Variants in PCDH15 observed in about 807,000 individuals in gnomAD.
The protein encoded by PCDH15 is protocadherin related 15.
Under a neutral mutation model 178.5 loss-of-function variants are expected in PCDH15, and 129 were observed. The observed-to-expected ratio is 0.72, with a 90% CI of 0.63 to 0.84. The LOEUF (loss-of-function observed/expected upper bound fraction) is 0.84, where lower values mean the gene tolerates loss of function less well. Among genes scored for constraint, PCDH15 ranks in the 40% least tolerant of loss-of-function variants. The probability of loss-of-function intolerance (pLI) is 0.00; values close to 1 mark genes in which losing one functional copy is unlikely to be tolerated. For missense variants in PCDH15, 2,230 were observed against 2,099.9 expected (o/e 1.06, Z -1.21); for synonymous variants, 800 against 732.0 (o/e 1.09, Z -1.50).
chr10:55,529,733 G>T (rs1841400500), intron 2 of PCDH15, among the ~76,000 whole-genome samples: 1 of 76,334 alleles, frequency 1.3e-5, no homozygotes, highest in Non-Finnish European at 2.5e-5. Flanking sequence ...ATATGTGTTT[G>T]TCTGTGAGTA....
intron 3 of PCDH15, among the ~76,000 whole-genome samples, chr10:54,840,693 C>T (rs773245440): frequency 1.2e-4 from 18 of 151,492 alleles, no homozygotes; most frequent in Admixed American, 1.3e-4. Context: ...ACAGACTCAC[C>T]TTGACTTTAA....
chr10:53,999,896 C>G (rs1027725227), intron 20 of PCDH15, among the ~76,000 whole-genome samples: 1 of 152,136 alleles, frequency 6.6e-6, no homozygotes, highest in Non-Finnish European at 1.5e-5. Flanking sequence ...TTGGACAAGA[C>G]CCAGTGCTGT....
At chr10:54,236,798 G>C in intron 9 of PCDH15, 25 bp downstream of exon 9, 1 of 1,509,072 alleles carries the variant, frequency 6.6e-7, no homozygotes, top group Non-Finnish European at 9.2e-7. Flanking sequence ...ATAACTGATA[G>C]TGTAAAATGT....
At chr10:54,893,973 T>C (rs1374556924) in intron 3 of PCDH15, among the ~76,000 whole-genome samples, 1 of 152,134 alleles carries the variant, frequency 6.6e-6, no homozygotes, top group Admixed American at 6.6e-5. Flanking sequence ...AAGCAGCGTT[T>C]ATACAGTCTG....
intron 2 of PCDH15, among the ~76,000 whole-genome samples, chr10:55,082,690 CAAAT>C (rs1225631344): frequency 2.0e-5 from 3 of 150,924 alleles, no homozygotes; most frequent in African/African-American, 4.9e-5. Flanking sequence ...AGAGAAGACT[CAAAT>C]AAATAAAATT....
At chr10:55,254,929 T>C (rs937271199) in intron 1 of PCDH15, among the ~76,000 whole-genome samples, 3 of 149,170 alleles carry the variant, frequency 2.0e-5, no homozygotes, top group African/African-American at 7.4e-5. Flanking sequence ...TTAAAATAAT[T>C]CAGCTAGTTA....
chr10:55,353,581 T>C (rs183445654), intron 2 of PCDH15, among the ~76,000 whole-genome samples: 101 of 152,228 alleles, frequency 6.6e-4, no homozygotes, highest in Non-Finnish European at 1.3e-3. Context: ...TATCTCTTTG[T>C]CAACTTTAGA....
At chr10:54,278,971 A>T (rs2058512486) in intron 8 of PCDH15, among the ~76,000 whole-genome samples, 1 of 151,582 alleles carries the variant, frequency 6.6e-6, no homozygotes, top group Non-Finnish European at 1.5e-5. Flanking sequence ...ACATGATATT[A>T]TACAATAAAC....
chr10:54,998,660 C>CT (rs752359826), intron 2 of PCDH15, among the ~76,000 whole-genome samples: 2 of 151,994 alleles, frequency 1.3e-5, no homozygotes, highest in Admixed American at 6.5e-5. Flanking sequence ...TTTGGCAATT[C>CT]TTTTTTTAAT....
chr10:54,296,230 CT>C (rs2059778079), intron 8 of PCDH15, among the ~76,000 whole-genome samples: 1 of 150,366 alleles, frequency 6.7e-6, no homozygotes, highest in Non-Finnish European at 1.5e-5. Context: ...AAAGGGCTCT[CT>C]TACAACCCCT....
At chr10:54,635,790 A>T (rs1012062921) in intron 2 of PCDH15, among the ~76,000 whole-genome samples, 5 of 151,938 alleles carry the variant, frequency 3.3e-5, no homozygotes, top group Non-Finnish European at 2.9e-5. Flanking sequence ...AGAGGGAAGA[A>T]AAACATCATA....
chr10:54,832,678 C>A (rs919207622), intron 3 of PCDH15, among the ~76,000 whole-genome samples: 1 of 152,144 alleles, frequency 6.6e-6, no homozygotes, highest in Non-Finnish European at 1.5e-5. Context: ...CCACACAATA[C>A]AATATGGATG....
intron 2 of PCDH15, among the ~76,000 whole-genome samples, chr10:55,542,702 CAT>C (rs1491481721): frequency 2.6e-5 from 1 of 38,686 alleles, no homozygotes; most frequent in Non-Finnish European, 5.3e-5. Context: ...TACATACAGA[CAT>C]ATGTTTGTGT....
intron 2 of PCDH15, among the ~76,000 whole-genome samples, chr10:55,370,038 A>C (rs2131988384): frequency 6.6e-6 from 1 of 152,214 alleles, no homozygotes; most frequent in South Asian, 2.1e-4. Context: ...ACATATTTCA[A>C]ATGTTTAGCA....
intron 21 of PCDH15, among the ~76,000 whole-genome samples, chr10:53,975,839 G>A (rs1013376512): frequency 5.3e-5 from 8 of 151,992 alleles, no homozygotes; most frequent in South Asian, 4.1e-4. Flanking sequence ...CAAAACTTAC[G>A]TGCCAAGAGC....
intron 8 of PCDH15, among the ~76,000 whole-genome samples, chr10:54,256,716 A>C (rs2056923777): frequency 6.6e-6 from 1 of 152,140 alleles, no homozygotes. Flanking sequence ...TTCTTATTAA[A>C]ATAAGCCAAA....
chr10:55,557,199 CTTTGA>C (rs1842108113), intron 2 of PCDH15, among the ~76,000 whole-genome samples: 1 of 152,074 alleles, frequency 6.6e-6, no homozygotes, highest in Admixed American at 6.6e-5. Context: ...TTTTATACAT[CTTTGA>C]TTTGATTTGC....
At chr10:54,735,892 G>A (rs1386092340) in intron 1 of PCDH15, among the ~76,000 whole-genome samples, 13 of 131,424 alleles carry the variant, frequency 9.9e-5, no homozygotes, top group South Asian at 5.6e-4. Flanking sequence ...GGGAGGGATA[G>A]CATTGGGAGA....
At chr10:55,565,582 G>A (rs369664706) in intron 2 of PCDH15, among the ~76,000 whole-genome samples, 52 of 151,604 alleles carry the variant, frequency 3.4e-4, no homozygotes, top group African/African-American at 1.1e-3. Context: ...GATCAACAAC[G>A]TTAGTAAACT....
Sources: gnomAD v4.1 joint callset for allele counts (sites outside exome capture counted in the v4.1 genomes callset) on GRCh38, gnomAD v4.1.1 for gene constraint, MANE v1.5 for transcripts, NCBI Gene and HGNC (gene_info 2026-07-23, HGNC 2026-07-21) for gene names.